The following LMBR1 variants were observed in gnomAD, a reference collection of about 807,000 sequenced individuals.
LMBR1 encodes the protein limb region 1 protein homolog.
LMBR1 carries 52 observed loss-of-function variants against 73.9 expected under a neutral mutation model. That is an observed-to-expected ratio of 0.70 (90% CI 0.56 to 0.89). LMBR1 has a LOEUF of 0.89. Ranked by LOEUF, LMBR1 falls within the 40% of genes least tolerant of loss-of-function variation. The pLI is 0.00. For missense variants in LMBR1, 539 were observed against 579.8 expected, an observed-to-expected ratio of 0.93 and a Z score of 0.72; for synonymous variants, 215 against 209.4, an observed-to-expected ratio of 1.03 and a Z score of -0.23.
At chr7:156,855,820 T>C (rs746419463) in intron 1 of LMBR1, among the ~76,000 whole-genome samples, 1 of 152,162 alleles carries the variant, frequency 6.6e-6, no homozygotes, top group Non-Finnish European at 1.5e-5. Flanking sequence ...CAGACTTCTC[T>C]TCAGAAACCA....
chr7:156,687,693 G>A (rs930174607), intron 16 of LMBR1, among the ~76,000 whole-genome samples: 3 of 152,020 alleles, frequency 2.0e-5, no homozygotes, highest in Non-Finnish European at 2.9e-5. Context: ...TTTTCACACC[G>A]TATCATCCTC....
chr7:156,891,618 TA>T (rs1171780966), intron 1 of LMBR1, among the ~76,000 whole-genome samples: 2 of 152,152 alleles, frequency 1.3e-5, no homozygotes, highest in Non-Finnish European at 2.9e-5. Flanking sequence ...TTTATTTATT[TA>T]TTTTTTTATA....
rs1835773049 is a variant in LMBR1, at chr7:156,826,757, A to G, written c.180-13T>C. On this transcript the variant is annotated splice_polypyrimidine_tract_variant and intron_variant, in intron 3 of 16. Transcript: ENST00000353442. ...GCTCAAAAACAACCTGGAAGAAAGG[A>G]GAGTCACCATCACAAGTGATCTGAA... is the stretch of plus-strand genomic sequence containing the variant. 2 of 1,600,200 alleles carry G rather than the reference A, an allele frequency of 1.2e-6. No individual in the cohort carries two copies. The highest frequency in any genetic ancestry group is 2.2e-5 in the East Asian group (1 of 44,798).
At chr7:156,711,287 G>C (rs1166450416) in intron 15 of LMBR1, among the ~76,000 whole-genome samples, 1 of 152,026 alleles carries the variant, frequency 6.6e-6, no homozygotes, top group Non-Finnish European at 1.5e-5. Flanking sequence ...CTCCAGCCTG[G>C]GCGACAGAGC....
intron 5 of LMBR1, among the ~76,000 whole-genome samples, chr7:156,781,863 T>C (rs552650302): frequency 6.6e-6 from 1 of 152,312 alleles, no homozygotes; most frequent in Non-Finnish European, 1.5e-5. Context: ...GTAACCATTT[T>C]TAAGTGTACA....
In LMBR1 at chr7:156,713,368, TGAACCCTAAC is replaced by T. The variant is rs555270468; in HGVS notation, c.1225+10734_1225+10743del. 1.7e-3 allele frequency among the ~76,000 whole-genome samples: 258 copies of T among 152,252 alleles called. 1 individual carries two copies. Among genetic ancestry groups the T allele is most frequent in the Non-Finnish European group, 1.8e-3 (122 of 68,016 alleles). ...CCCATAGAATGTACAACACCAGGAA[TGAACCCTAAC>T]GTAAACTCTGGACTCTGGGTGATAA... is the stretch of plus-strand genomic sequence containing the variant. On this transcript the variant is annotated intron_variant, in intron 15 of 16. Coordinates refer to ENST00000353442, the MANE Select transcript of LMBR1 (RefSeq NM_022458.4).
chr7:156,833,709 A>T (rs772675405), intron 3 of LMBR1, 44 bp downstream of exon 3: 1 of 1,434,016 alleles, frequency 7.0e-7, no homozygotes, highest in Non-Finnish European at 9.7e-7. Context: ...AGAATTGATG[A>T]CTTCAGAATC....
chr7:156,829,703 A>G (rs747847604), intron 3 of LMBR1, among the ~76,000 whole-genome samples: 3 of 152,146 alleles, frequency 2.0e-5, no homozygotes, highest in South Asian at 2.1e-4. Flanking sequence ...TTCCCAGCAA[A>G]TGACTGACTC....
intron 8 of LMBR1, among the ~76,000 whole-genome samples, chr7:156,756,946 A>G (rs548571645): frequency 6.6e-6 from 1 of 152,228 alleles, no homozygotes; most frequent in African/African-American, 2.4e-5. Flanking sequence ...CCTCCCTAGT[A>G]GCTGGAACTA....
At chr7:156,779,565 G>C (rs974756992) in intron 5 of LMBR1, 3 of 488,188 alleles carry the variant, frequency 6.1e-6, no homozygotes, top group African/African-American at 3.9e-5. Flanking sequence ...ACACTCAAAT[G>C]GTTATGATAT....
intron 9 of LMBR1, among the ~76,000 whole-genome samples, chr7:156,750,503 T>C (rs1337288611): frequency 1.3e-5 from 2 of 152,192 alleles, no homozygotes; most frequent in East Asian, 3.8e-4. Context: ...CCAGTGCACG[T>C]GGTCTTCCTG....
chr7:156,815,197 C>G (rs945584425), intron 4 of LMBR1, among the ~76,000 whole-genome samples: 2 of 148,180 alleles, frequency 1.3e-5, no homozygotes, highest in Non-Finnish European at 3.0e-5. Flanking sequence ...CTGAAAAGTT[C>G]TGACATACAC....
intron 1 of LMBR1, among the ~76,000 whole-genome samples, chr7:156,842,562 T>C (rs910727474): frequency 6.6e-6 from 1 of 152,154 alleles, no homozygotes; most frequent in African/African-American, 2.4e-5. Context: ...GCAGTTAATT[T>C]TAAAGAACTC....
At chr7:156,731,744 G>A (rs1463955284) in intron 10 of LMBR1, among the ~76,000 whole-genome samples, 1 of 151,962 alleles carries the variant, frequency 6.6e-6, no homozygotes, top group African/African-American at 2.4e-5. Context: ...GAATACCAAA[G>A]AAACACCACT....
chr7:156,731,466 T>C (rs1816819090), intron 10 of LMBR1, among the ~76,000 whole-genome samples: 1 of 152,194 alleles, frequency 6.6e-6, no homozygotes, highest in African/African-American at 2.4e-5. Context: ...AATCTAAGCA[T>C]ATCAGAGTAA....
chr7:156,702,903 C>A (rs1341695441), intron 15 of LMBR1, among the ~76,000 whole-genome samples: 3 of 152,212 alleles, frequency 2.0e-5, no homozygotes, highest in Non-Finnish European at 2.9e-5. Context: ...GCAAAAGCAG[C>A]TTCCTGAAAA....
At chr7:156,861,768 GC>G in intron 1 of LMBR1, among the ~76,000 whole-genome samples, 1 of 152,252 alleles carries the variant, frequency 6.6e-6, no homozygotes. Flanking sequence ...TTAGGGTGGG[GC>G]AAAATGTCAC....
At chr7:156,771,889 G>A (rs1035068427) in intron 5 of LMBR1, among the ~76,000 whole-genome samples, 1 of 152,166 alleles carries the variant, frequency 6.6e-6, no homozygotes, top group Non-Finnish European at 1.5e-5. Context: ...AATCCACCAT[G>A]ATCAAGTAGG....
intron 15 of LMBR1, among the ~76,000 whole-genome samples, chr7:156,714,892 G>A (rs1812873293): frequency 6.6e-6 from 1 of 151,824 alleles, no homozygotes; most frequent in African/African-American, 2.4e-5. Flanking sequence ...AGGAAACGGA[G>A]AAGAGGACAA....
Sources: allele counts gnomAD v4.1 joint callset (sites outside exome capture counted in the v4.1 genomes callset), GRCh38; gene constraint gnomAD v4.1.1; transcripts MANE v1.5; gene names NCBI Gene and HGNC (gene_info 2026-07-23, HGNC 2026-07-21).